TRIM24: variants seen among roughly 807,000 people sequenced by gnomAD.
TRIM24 encodes transcription intermediary factor 1-alpha.
TRIM24 carries 29 observed loss-of-function variants against 123.9 expected under a neutral mutation model. That is an observed-to-expected ratio of 0.23 (90% CI 0.17 to 0.32). TRIM24 has a LOEUF of 0.32. TRIM24 is among the 10% of genes least tolerant of loss of function. The pLI is 1.00. For missense variants in TRIM24, 932 were observed against 1,295.3 expected, an observed-to-expected ratio of 0.72 and a Z score of 4.31; for synonymous variants, 456 against 461.1, an observed-to-expected ratio of 0.99 and a Z score of 0.14.
chr7:138,502,946 C>T (rs1289473033), intron 1 of TRIM24, among the ~76,000 whole-genome samples: 1 of 152,114 alleles, frequency 6.6e-6, no homozygotes, highest in Non-Finnish European at 1.5e-5. Context: ...ATTCCAAGAT[C>T]ACAAAGATAT....
At chr7:138,462,441 C>G (rs1055421074) in intron 1 of TRIM24, among the ~76,000 whole-genome samples, 2 of 149,864 alleles carry the variant, frequency 1.3e-5, no homozygotes, top group Non-Finnish European at 1.5e-5. Flanking sequence ...CCCGGGTTCA[C>G]GCCATTCTCC....
Position 138,576,254 on chromosome 7 carries a change from T to C in TRIM24, c.2015-119T>C, listed in dbSNP as rs542226487. ...CTGAAAATTCAGCAACTACTTACTGTTTCATAGAATTTCATCATGGTTCCC... is the reference window on the plus strand; with the variant it reads ...CTGAAAATTCAGCAACTACTTACTGCTTCATAGAATTTCATCATGGTTCCC... On this transcript the variant is annotated intron_variant, in intron 12 of 18. Transcript: ENST00000343526. 192 of 968,830 alleles carry C rather than the reference T, an allele frequency of 2.0e-4. 2 individuals carry two copies. In the South Asian group the frequency reaches 2.9e-3, roughly 14 times the overall value. 60.0% of individuals were successfully genotyped at this position (968,830 alleles called of 1,614,324 possible). A position where few individuals can be genotyped will look rare whatever the true frequency, so the allele number is the denominator to read the frequency against.
chr7:138,467,629 A>C (rs985493120), intron 1 of TRIM24, among the ~76,000 whole-genome samples: 11 of 152,320 alleles, frequency 7.2e-5, no homozygotes, highest in African/African-American at 2.2e-4. Context: ...GGCGTGAGCC[A>C]CTGCACCCAG....
In TRIM24 at chr7:138,586,119, G is replaced by A. The variant is rs1798014777; in HGVS notation, c.*1168G>A. 8.3e-6 allele frequency: 3 copies of A among 361,298 alleles called. No individual in the cohort carries two copies. Among genetic ancestry groups the A allele is most frequent in the South Asian group, 2.2e-5 (1 of 45,936 alleles). The allele number at this position is 361,298 out of a possible 1,614,324, so 22.4% of individuals were successfully genotyped here. A position where few individuals can be genotyped will look rare whatever the true frequency, so the allele number is the denominator to read the frequency against. On this transcript the variant is annotated 3_prime_UTR_variant, in exon 19 of 19. Coordinates refer to ENST00000343526, the MANE Select transcript of TRIM24 (RefSeq NM_015905.3). ...CTGATTGATTGATAGAGGTACAAAAGACTTATCTTCTGAGGACAAGCATAT... is the reference window on the plus strand; with the variant it reads ...CTGATTGATTGATAGAGGTACAAAAAACTTATCTTCTGAGGACAAGCATAT...
chr7:138,578,665 T>G (rs905709293), intron 14 of TRIM24, among the ~76,000 whole-genome samples: 3 of 152,152 alleles, frequency 2.0e-5, no homozygotes, highest in African/African-American at 7.2e-5. Flanking sequence ...TATTGCAATT[T>G]TTAACAATCA....
intron 3 of TRIM24, among the ~76,000 whole-genome samples, chr7:138,516,645 G>A (rs1796402453): frequency 6.6e-6 from 1 of 152,122 alleles, no homozygotes. Flanking sequence ...GTGAACCACT[G>A]CACCCAGCCT....
chr7:138,515,105 G>A, intron 2 of TRIM24, 107 bp from the exon 3 acceptor site: 1 of 1,138,822 alleles, frequency 8.8e-7, no homozygotes, highest in Admixed American at 2.6e-5. Context: ...CCATTAGGAG[G>A]CTAACTGATT....
intron 7 of TRIM24, among the ~76,000 whole-genome samples, chr7:138,543,558 TGGAAACGAAA>T: frequency 1.3e-5 from 2 of 152,176 alleles, no homozygotes; most frequent in African/African-American, 4.8e-5. Flanking sequence ...GCTTAAAAAA[TGGAAACGAAA>T]TGCCTAGCAG....
chr7:138,564,217 A>C (rs527369740), intron 9 of TRIM24, among the ~76,000 whole-genome samples: 2 of 152,156 alleles, frequency 1.3e-5, no homozygotes, highest in African/African-American at 4.8e-5. Flanking sequence ...CCTGTTCATC[A>C]TAATAGATGG....
chr7:138,528,005 GA>G (rs1160838665), intron 5 of TRIM24, among the ~76,000 whole-genome samples: 2 of 151,432 alleles, frequency 1.3e-5, no homozygotes, highest in East Asian at 3.9e-4. Flanking sequence ...ATAGTGGTGT[GA>G]AAGCTCAGGT....
At chr7:138,469,851 A>C (rs1795231944) in intron 1 of TRIM24, among the ~76,000 whole-genome samples, 1 of 152,202 alleles carries the variant, frequency 6.6e-6, no homozygotes, top group Non-Finnish European at 1.5e-5. Context: ...TGCTGTATGG[A>C]GTATCCTGAG....
Position 138,538,687 on chromosome 7 carries a change from A to T in TRIM24, c.1027A>T (p.Met343Leu), listed in dbSNP as rs1584727510. The change falls in exon 7 of 19, where the codon ATG becomes TTG. Residue 343 changes from methionine to leucine, a missense_variant. This residue lies in a region of TRIM24 where 527 missense variants were observed against 691.3 expected (regional missense o/e 0.76). Coordinates refer to ENST00000343526, the MANE Select transcript of TRIM24 (RefSeq NM_015905.3). The part of the protein sequence containing the change: ...SLAKDHRMKL[M>L]QQQQEVAGLS... ...TGCAAAGGACCATCGCATGAAACTT[A>T]TGCAACAACAACAGGAAGTGGCTGG... 6.2e-7 allele frequency: 1 copy of T among 1,614,034 alleles called. No individual in the cohort carries two copies. The highest frequency in any genetic ancestry group is 1.3e-5 in the African/African-American group (1 of 74,926).
At chr7:138,549,212 A>T (rs1360147199) in intron 7 of TRIM24, among the ~76,000 whole-genome samples, 2 of 152,172 alleles carry the variant, frequency 1.3e-5, no homozygotes. Flanking sequence ...AGCTTCATTA[A>T]TTTTATGGGA....
intron 1 of TRIM24, among the ~76,000 whole-genome samples, chr7:138,495,052 A>G (rs1424948951): frequency 6.6e-6 from 1 of 152,216 alleles, no homozygotes; most frequent in Non-Finnish European, 1.5e-5. Context: ...CAACAACAAA[A>G]AGCTGCAGTA....
At chr7:138,493,960 A>G (rs548557800) in intron 1 of TRIM24, among the ~76,000 whole-genome samples, 8 of 151,748 alleles carry the variant, frequency 5.3e-5, no homozygotes, top group Middle Eastern at 3.4e-3. Context: ...CTGTTTTATT[A>G]TTGTTGTTGT....
At chr7:138,519,350 A>G in intron 4 of TRIM24, 29 bp downstream of exon 4, 2 of 1,567,708 alleles carry the variant, frequency 1.3e-6, no homozygotes, top group Non-Finnish European at 8.6e-7. Context: ...ATATATATAG[A>G]TTCATATGCA....
At chr7:138,482,001 G>A (rs1030450330) in intron 1 of TRIM24, among the ~76,000 whole-genome samples, 2 of 152,010 alleles carry the variant, frequency 1.3e-5, no homozygotes, top group African/African-American at 2.4e-5. Flanking sequence ...GCTCTACACC[G>A]CCGTGCTTAT....
At chr7:138,463,167 A>C (rs1443711599) in intron 1 of TRIM24, among the ~76,000 whole-genome samples, 3 of 145,756 alleles carry the variant, frequency 2.1e-5, no homozygotes, top group Non-Finnish European at 4.5e-5. Context: ...TGGGATTACA[A>C]GTGTGAGCCA....
intron 4 of TRIM24, among the ~76,000 whole-genome samples, chr7:138,520,670 G>A (rs1796488184): frequency 6.6e-6 from 1 of 152,072 alleles, no homozygotes; most frequent in South Asian, 2.1e-4. Context: ...GTGACAGAAT[G>A]AGACCCTGTC....
Sources: allele counts gnomAD v4.1 joint callset (sites outside exome capture counted in the v4.1 genomes callset), GRCh38; gene constraint gnomAD v4.1.1; regional missense constraint gnomAD v4.1.1; transcripts MANE v1.5; gene names NCBI Gene and HGNC (gene_info 2026-07-23, HGNC 2026-07-21).